The following MGAT5 variants were observed in gnomAD, a reference collection of about 807,000 sequenced individuals.
MGAT5 encodes alpha-1,6-mannosylglycoprotein 6-beta-N-acetylglucosaminyltransferase A.
Under a neutral mutation model 94.3 loss-of-function variants are expected in MGAT5, and 30 were observed. The ratio of observed to expected loss-of-function variants is 0.32; its 90% confidence interval spans 0.24 to 0.43. MGAT5 has a LOEUF of 0.43. MGAT5 is among the 20% of genes least tolerant of loss of function. MGAT5 has a pLI of 1.00. For missense variants in MGAT5, 691 were observed against 905.5 expected, an observed-to-expected ratio of 0.76 and a Z score of 3.04; for synonymous variants, 310 against 322.9, an observed-to-expected ratio of 0.96 and a Z score of 0.43.
chr2:134,209,152 A>ATTTTTTTTTTTTTTTTTTT (rs869116395), intron 1 of MGAT5, among the ~76,000 whole-genome samples: 60 of 20,704 alleles, frequency 2.9e-3, no homozygotes, highest in Admixed American at 4.7e-3. Flanking sequence ...TTTTTTTTTT[A>ATTTTTTTTTTTTTTTTTTT]TTTTTTTTTT....
In MGAT5 at chr2:134,388,332, T is replaced by C. The variant is rs1682159684; in HGVS notation, c.1381-14656T>C. 2.6e-5 allele frequency among the ~76,000 whole-genome samples: 4 copies of C among 152,296 alleles called. No individual in the cohort carries two copies. The South Asian group carries it at 8.3e-4, about 32-fold the overall frequency. On this transcript the variant is annotated intron_variant, in intron 10 of 15. Coordinates refer to ENST00000281923, the MANE Select transcript of MGAT5 (RefSeq NM_002410.5). ...CACAGCCAGTCATGTTTCCTCCTTA[T>C]CTGCCCTCCGCCCCCAGAATATTGT...
intron 1 of MGAT5, among the ~76,000 whole-genome samples, chr2:134,154,638 C>T (rs1437840234): frequency 6.6e-6 from 1 of 152,204 alleles, no homozygotes; most frequent in Non-Finnish European, 1.5e-5. Flanking sequence ...AGTCAGAGGA[C>T]ACTGACCACA....
intron 12 of MGAT5, among the ~76,000 whole-genome samples, chr2:134,417,250 T>A (rs576533832): frequency 6.6e-6 from 1 of 152,158 alleles, no homozygotes; most frequent in East Asian, 1.9e-4. Context: ...TCATCTAGCT[T>A]CTTCTTATGG....
In MGAT5 at chr2:134,157,825, G is replaced by A. The variant is rs533229119; in HGVS notation, c.-143+37534G>A. On this transcript the variant is annotated intron_variant, in intron 1 of 16. Transcript: ENST00000409645. ...GGGCACACAGCCTAGATCCTGCCAG[G>A]TACGTGGACAACCAGAGGGTGAGCA... is the stretch of plus-strand genomic sequence containing the variant. Among the ~76,000 whole-genome samples, 33 of 152,202 alleles carry A rather than the reference G, an allele frequency of 2.2e-4. No individual in the cohort carries two copies. In the South Asian group the frequency reaches 5.8e-3, roughly 27 times the overall value.
intron 13 of MGAT5, among the ~76,000 whole-genome samples, chr2:134,425,823 A>G (rs1271506162): frequency 6.6e-6 from 1 of 152,138 alleles, no homozygotes; most frequent in Admixed American, 6.5e-5. Flanking sequence ...AAAATTTCCA[A>G]GGTCAGCAGG....
intron 1 of MGAT5, among the ~76,000 whole-genome samples, chr2:134,266,186 C>T (rs948180125): frequency 3.5e-5 from 5 of 141,446 alleles, no homozygotes; most frequent in African/African-American, 1.4e-4. Flanking sequence ...AAGATTAAAA[C>T]ACAAAAATAC....
At chr2:134,419,629 G>T (rs1684188097) in intron 12 of MGAT5, among the ~76,000 whole-genome samples, 1 of 108,904 alleles carries the variant, frequency 9.2e-6, no homozygotes, top group Non-Finnish European at 1.7e-5. Context: ...AAGTATCTTA[G>T]ATCAGATGGT....
upstream of MGAT5, among the ~76,000 whole-genome samples, chr2:134,253,827 C>G (rs1165037969): frequency 6.6e-6 from 1 of 152,194 alleles, no homozygotes; most frequent in East Asian, 1.9e-4. Flanking sequence ...TTGCTCACCT[C>G]ACCAGTTGCA....
At chr2:134,405,301 G>A (rs983164234) in intron 11 of MGAT5, among the ~76,000 whole-genome samples, 2 of 152,316 alleles carry the variant, frequency 1.3e-5, no homozygotes, top group East Asian at 1.9e-4. Context: ...ACTGGGACCC[G>A]TGTAGAGGAT....
chr2:134,241,387 G>T (rs964245158), intron 1 of MGAT5, among the ~76,000 whole-genome samples: 1 of 152,242 alleles, frequency 6.6e-6, no homozygotes, highest in Non-Finnish European at 1.5e-5. Context: ...TTGAAGTCCA[G>T]ATGTAAGAAA....
intron 11 of MGAT5, among the ~76,000 whole-genome samples, chr2:134,412,468 A>G (rs185718379): frequency 6.7e-6 from 1 of 149,704 alleles, no homozygotes; most frequent in Admixed American, 6.7e-5. Flanking sequence ...CAATGAAGAA[A>G]CCTTCTGTGT....
chr2:134,335,396 A>G (rs1404870946), intron 4 of MGAT5, among the ~76,000 whole-genome samples: 1 of 152,194 alleles, frequency 6.6e-6, no homozygotes, highest in African/African-American at 2.4e-5. Flanking sequence ...TAGTTTTGAC[A>G]GAGAACAGAC....
At chr2:134,135,845 A>G (rs992214156) in intron 1 of MGAT5, among the ~76,000 whole-genome samples, 37 of 152,200 alleles carry the variant, frequency 2.4e-4, no homozygotes, top group African/African-American at 8.4e-4. Context: ...GCATACAGGT[A>G]GTTTTTGGCT....
At chr2:134,178,087 GT>G (rs1279145377) in intron 1 of MGAT5, among the ~76,000 whole-genome samples, 2 of 151,418 alleles carry the variant, frequency 1.3e-5, no homozygotes, top group Non-Finnish European at 2.9e-5. Flanking sequence ...GTTTTGTTTT[GT>G]TTTTTTCTCT....
At chr2:134,289,160 C>T (rs961286354) in intron 2 of MGAT5, among the ~76,000 whole-genome samples, 1 of 152,126 alleles carries the variant, frequency 6.6e-6, no homozygotes, top group African/African-American at 2.4e-5. Context: ...CTCTGCTTGC[C>T]CTATAGGTTG....
At chr2:134,238,131 G>A (rs967967481) in intron 1 of MGAT5, among the ~76,000 whole-genome samples, 6 of 152,098 alleles carry the variant, frequency 3.9e-5, no homozygotes, top group African/African-American at 1.4e-4. Context: ...TCTCTGAGAG[G>A]TACTGAGGCA....
In MGAT5 at chr2:134,310,645, T is replaced by C. The variant is rs1197157498; in HGVS notation, c.407-6884T>C. 2.0e-5 allele frequency among the ~76,000 whole-genome samples: 3 copies of C among 152,232 alleles called. No individual in the cohort carries two copies. The East Asian group carries it at 5.8e-4, about 29-fold the overall frequency. ...GCTTTGTTGGGGAGGGAACTTCCTA[T>C]TGCTGTGGGGCCCTGGTTCTGGAAT... is the stretch of plus-strand genomic sequence containing the variant. On this transcript the variant is annotated intron_variant, in intron 2 of 15. Transcript: ENST00000281923.
Position 134,412,960 on chromosome 2 carries a change from C to A in MGAT5, c.1622C>A (p.Pro541Gln). Residue 541 changes from proline (P) to glutamine (Q), a missense_variant, in exon 12 of 16, where the codon CCA becomes CAA. Transcript: ENST00000281923. ...GCAFLNPKFNPPKSSKNTDFF... is the reference protein window; with the variant it reads ...GCAFLNPKFNQPKSSKNTDFF... ...GCTTTTCTGAATCCCAAGTTCAACC[C>A]ACCCAAAAGCAGCAAAAACACAGAC... 6.2e-7 allele frequency: 1 copy of A among 1,614,120 alleles called. No homozygotes were observed. Among genetic ancestry groups the A allele is most frequent in the South Asian group, 1.1e-5 (1 of 91,080 alleles).
At chr2:134,121,921 A>T (rs10928479) in intron 1 of MGAT5, among the ~76,000 whole-genome samples, 66,696 of 151,930 alleles carry the variant, frequency 0.44, 18,086 homozygotes, top group African/African-American at 0.75. Flanking sequence ...CCTTGTCTGT[A>T]CCGAGAAAAT....
Sources: allele counts gnomAD v4.1 joint callset (sites outside exome capture counted in the v4.1 genomes callset), GRCh38; gene constraint gnomAD v4.1.1; transcripts MANE v1.5; gene names NCBI Gene and HGNC (gene_info 2026-07-23, HGNC 2026-07-21).